KCNIP4: variants seen among roughly 807,000 people sequenced by gnomAD.
KCNIP4 encodes potassium voltage-gated channel interacting protein 4.
A neutral mutation model predicts 34.0 loss-of-function variants in KCNIP4; 12 were observed. The observed-to-expected ratio is 0.35, with a 90% confidence interval of 0.23 to 0.57. The LOEUF (loss-of-function observed/expected upper bound fraction) is 0.57, where lower values mean the gene tolerates loss of function less well. KCNIP4 is among the 20% of genes least tolerant of loss of function. The pLI, the probability that KCNIP4 is intolerant of heterozygous loss-of-function variation, is 0.83. For synonymous variants in KCNIP4, 124 were observed against 102.2 expected (o/e 1.21, Z -1.29); for missense variants, 238 against 311.7 (o/e 0.76, Z 1.78).
At chr4:21,799,212 C>T (rs1268861999) in intron 1 of KCNIP4, among the ~76,000 whole-genome samples, 1 of 152,098 alleles carries the variant, frequency 6.6e-6, no homozygotes, top group Non-Finnish European at 1.5e-5. Flanking sequence ...GTATTCACAA[C>T]AGTCTAATGA....
chr4:21,488,562 G>T (rs10805225), intron 1 of KCNIP4, among the ~76,000 whole-genome samples: 43,993 of 151,940 alleles, frequency 0.29, 6,554 homozygotes, highest in Admixed American at 0.34. Context: ...AAGCCAGGTA[G>T]AAATTCAGTA....
chr4:20,971,815 C>T (rs1734978596), intron 1 of KCNIP4, among the ~76,000 whole-genome samples: 1 of 152,204 alleles, frequency 6.6e-6, no homozygotes, highest in African/African-American at 2.4e-5. Flanking sequence ...TTCTCTTTAG[C>T]ATATGATGCT....
chr4:21,165,445 G>A (rs1397230021), intron 1 of KCNIP4, among the ~76,000 whole-genome samples: 3 of 2,108 alleles, frequency 1.4e-3, no homozygotes, highest in Non-Finnish European at 2.4e-3. Context: ...ATGTTTGAAA[G>A]CATCAAAAAA....
chr4:21,940,448 A>G (rs528080828), intron 1 of KCNIP4, among the ~76,000 whole-genome samples: 1 of 152,306 alleles, frequency 6.6e-6, no homozygotes, highest in South Asian at 2.1e-4. Flanking sequence ...AATATTTTAA[A>G]ATAAACATGT....
chr4:20,748,558 TTTTATATATATATATATATATATATATA>T (rs1361389871), intron 5 of KCNIP4, among the ~76,000 whole-genome samples: 51 of 118,556 alleles, frequency 4.3e-4, no homozygotes, highest in East Asian at 1.5e-3. Context: ...ACCTTCCAAA[TTTTATATATATATATATATATATATATA>T]TATATATATA....
chr4:21,886,856 G>A (rs1726795110), intron 1 of KCNIP4, among the ~76,000 whole-genome samples: 1 of 152,000 alleles, frequency 6.6e-6, no homozygotes, highest in Non-Finnish European at 1.5e-5. Flanking sequence ...ATTTTAAGAT[G>A]TTCGTTATAT....
Position 21,932,227 on chromosome 4 carries a change from G to A in KCNIP4, c.61+16344C>T, listed in dbSNP as rs77553164. The stretch of plus-strand genomic sequence containing the variant: ...CAGACAGAGAAATTTAGGCTTCTCC[G>A]TAACTGATACATGTGTCGTGAGTGA... On this transcript the variant is annotated intron_variant, in intron 1 of 8. Coordinates refer to ENST00000382152, the MANE Select transcript of KCNIP4 (RefSeq NM_025221.6). Among the ~76,000 whole-genome samples the A allele has an allele frequency of 5.2e-3, 794 of 152,144 alleles. 3 individuals carry two copies. The highest frequency in any genetic ancestry group is 9.1e-3 in the Non-Finnish European group (617 of 67,986).
At chr4:21,314,900 C>A (rs1017540477) in intron 1 of KCNIP4, among the ~76,000 whole-genome samples, 5 of 152,130 alleles carry the variant, frequency 3.3e-5, no homozygotes, top group African/African-American at 1.2e-4. Flanking sequence ...AGAGCAGATT[C>A]TTCTTGTATT....
At chr4:21,796,899 G>GT (rs1269381158) in intron 1 of KCNIP4, among the ~76,000 whole-genome samples, 1 of 152,182 alleles carries the variant, frequency 6.6e-6, no homozygotes, top group Non-Finnish European at 1.5e-5. Flanking sequence ...TAAAATGATT[G>GT]TTTTTATCAA....
intron 1 of KCNIP4, among the ~76,000 whole-genome samples, chr4:21,616,262 A>C (rs537681753): frequency 2.0e-5 from 3 of 152,074 alleles, no homozygotes; most frequent in Non-Finnish European, 4.4e-5. Context: ...TTTTGACTCA[A>C]ATCTTACCTT....
At position 21,286,371 on chromosome 4, in the gene KCNIP4, A is replaced by G. The variant is rs148028804; in HGVS notation, c.62-403662T>C. ...GAATTAACATGGCCAAACATGTTAT[A>G]TAGTAGACAGCACCTCTAACTGGTC... On this transcript the variant is annotated intron_variant, in intron 1 of 8. Transcript: ENST00000382152. Among the ~76,000 whole-genome samples, 1,388 of 152,322 alleles carry G rather than the reference A, an allele frequency of 9.1e-3. 9 individuals carry two copies. The highest frequency in any genetic ancestry group is 0.014 in the Admixed American group (220 of 15,298).
chr4:21,345,016 G>A (rs890275346), intron 1 of KCNIP4, among the ~76,000 whole-genome samples: 2 of 152,162 alleles, frequency 1.3e-5, no homozygotes, highest in Non-Finnish European at 2.9e-5. Flanking sequence ...TCCAGTGGTG[G>A]AGTTTACTTC....
At chr4:21,056,772 C>G (rs895344723) in intron 1 of KCNIP4, among the ~76,000 whole-genome samples, 1 of 152,052 alleles carries the variant, frequency 6.6e-6, no homozygotes, top group African/African-American at 2.4e-5. Context: ...ATGTTTGTGT[C>G]CCCTCAAAAT....
At chr4:20,974,582 C>T (rs1388970628) in intron 1 of KCNIP4, among the ~76,000 whole-genome samples, 1 of 152,100 alleles carries the variant, frequency 6.6e-6, no homozygotes, top group Non-Finnish European at 1.5e-5. Flanking sequence ...CTGCTTGATG[C>T]TCAGTGCTAA....
intron 1 of KCNIP4, among the ~76,000 whole-genome samples, chr4:21,408,452 A>AT (rs1156267412): frequency 6.6e-6 from 1 of 152,168 alleles, no homozygotes; most frequent in Non-Finnish European, 1.5e-5. Flanking sequence ...CAGGCTAAGG[A>AT]TTTTGAGAGA....
chr4:21,783,182 GC>G (rs1719681903), intron 1 of KCNIP4, among the ~76,000 whole-genome samples: 1 of 152,028 alleles, frequency 6.6e-6, no homozygotes, highest in Non-Finnish European at 1.5e-5. Context: ...TGATTTTTGT[GC>G]TTTAGTTACA....
At chr4:21,649,341 A>G (rs1334861732) in intron 1 of KCNIP4, among the ~76,000 whole-genome samples, 1 of 152,202 alleles carries the variant, frequency 6.6e-6, no homozygotes, top group Non-Finnish European at 1.5e-5. Context: ...CCTGTATTTC[A>G]TTGAATTAAC....
At chr4:21,234,740 T>C (rs182720390) in intron 1 of KCNIP4, among the ~76,000 whole-genome samples, 3,129 of 151,166 alleles carry the variant, frequency 0.021, 50 homozygotes, top group Non-Finnish European at 0.03. Context: ...CTCTGCCTCC[T>C]GGGTTCAAGA....
intron 1 of KCNIP4, among the ~76,000 whole-genome samples, chr4:21,920,027 G>A (rs1482849789): frequency 1.3e-5 from 2 of 152,170 alleles, no homozygotes; most frequent in Non-Finnish European, 2.9e-5. Context: ...AGAACAGGGA[G>A]CAAAGATGAT....
Sources: gnomAD v4.1 joint callset for allele counts (sites outside exome capture counted in the v4.1 genomes callset) on GRCh38, gnomAD v4.1.1 for gene constraint, MANE v1.5 for transcripts, NCBI Gene and HGNC (gene_info 2026-07-23, HGNC 2026-07-21) for gene names.